TNNI3K: variants seen among roughly 807,000 people sequenced by gnomAD.
The protein encoded by TNNI3K is serine/threonine-protein kinase TNNI3K.
In TNNI3K, 140 loss-of-function variants were observed where a neutral mutation model predicts 114.5. The observed-to-expected ratio is 1.22, with a 90% CI of 1.07 to 1.41. The LOEUF (loss-of-function observed/expected upper bound fraction) is 1.41. TNNI3K is among the 40% of genes most tolerant of loss of function. TNNI3K has a pLI of 0.00. For missense variants in TNNI3K, 1,125 were observed against 1,007.6 expected (o/e 1.12, Z -1.58); for synonymous variants, 347 against 347.5 (o/e 1.00, Z 0.02).
intron 17 of TNNI3K, among the ~76,000 whole-genome samples, chr1:74,413,681 G>A (rs1570591051): frequency 6.6e-6 from 1 of 152,066 alleles, no homozygotes; most frequent in Non-Finnish European, 1.5e-5. Flanking sequence ...GAATACAAGC[G>A]CCGAAAATTT....
intron 4 of TNNI3K, among the ~76,000 whole-genome samples, chr1:74,256,607 A>G (rs1655329530): frequency 6.6e-6 from 1 of 151,918 alleles, no homozygotes; most frequent in Non-Finnish European, 1.5e-5. Flanking sequence ...TGAAGAGTAA[A>G]AGGTTTTTGC....
At chr1:74,464,835 C>T in intron 21 of TNNI3K, 4 of 1,438,444 alleles carry the variant, frequency 2.8e-6, no homozygotes, top group Non-Finnish European at 3.7e-6. Context: ...TGAAAGCGGT[C>T]CTTTTTGTTT....
intron 2 of TNNI3K, among the ~76,000 whole-genome samples, chr1:74,242,259 T>G (rs1035362145): frequency 5.3e-5 from 8 of 152,284 alleles, no homozygotes. Flanking sequence ...ACTTTAAAAT[T>G]GACTAGGTTT....
intron 20 of TNNI3K, among the ~76,000 whole-genome samples, chr1:74,458,235 G>T (rs1667308382): frequency 6.6e-6 from 1 of 152,032 alleles, no homozygotes; most frequent in Admixed American, 6.5e-5. Context: ...GGGCAGTCAA[G>T]ACTTAAATAC....
chr1:74,401,576 A>G (rs959629729), intron 17 of TNNI3K, among the ~76,000 whole-genome samples: 2 of 152,238 alleles, frequency 1.3e-5, no homozygotes, highest in African/African-American at 4.8e-5. Flanking sequence ...AAGAATATTT[A>G]ATGAGCTACA....
At chr1:74,249,256 A>G (rs1483380900) in intron 2 of TNNI3K, among the ~76,000 whole-genome samples, 1 of 151,932 alleles carries the variant, frequency 6.6e-6, no homozygotes, top group Non-Finnish European at 1.5e-5. Context: ...TGGTGACATC[A>G]TTACAATGTA....
Position 74,543,945 on chromosome 1 carries a change from C to G in TNNI3K, c.2471C>G (p.Ser824Cys). ...SDPMSSMHFH[S>C]CRNSSSFEDS... ...CCCATGAGCTCAATGCATTTTCATTCTTGCCGAAATAGTAGCAGCTTTGAG... is the reference window on the plus strand; with the variant it reads ...CCCATGAGCTCAATGCATTTTCATTGTTGCCGAAATAGTAGCAGCTTTGAG... The change falls in exon 25 of 25, where the codon TCT (serine) becomes TGT (cysteine). Residue 824 changes from serine to cysteine, a missense_variant. Ser to Cys is a moderately radical substitution (Grantham distance 112, BLOSUM62 -1). Coordinates refer to ENST00000326637, the MANE Select transcript of TNNI3K (RefSeq NM_015978.3). The G allele has an allele frequency of 1.9e-6, 3 of 1,613,360 alleles. No homozygotes were observed. In the East Asian group the frequency reaches 6.7e-5, roughly 36 times the overall value.
chr1:74,364,065 T>C (rs1662128173), intron 11 of TNNI3K, among the ~76,000 whole-genome samples: 1 of 150,160 alleles, frequency 6.7e-6, no homozygotes, highest in African/African-American at 2.5e-5. Flanking sequence ...AATGGTGTGA[T>C]TGTAGCTCAC....
chr1:74,297,668 C>A (rs540577520), intron 5 of TNNI3K, among the ~76,000 whole-genome samples: 33 of 152,206 alleles, frequency 2.2e-4, no homozygotes, highest in Admixed American at 2.0e-3. Flanking sequence ...GATATCTCTT[C>A]AAATACTGAT....
chr1:74,423,432 C>A (rs1049703533), intron 17 of TNNI3K, among the ~76,000 whole-genome samples: 2 of 152,096 alleles, frequency 1.3e-5, no homozygotes, highest in African/African-American at 2.4e-5. Flanking sequence ...TGATTTAAAT[C>A]ATTCTGTATG....
intron 20 of TNNI3K, among the ~76,000 whole-genome samples, chr1:74,440,736 C>T (rs1441058349): frequency 6.6e-6 from 1 of 152,064 alleles, no homozygotes; most frequent in Non-Finnish European, 1.5e-5. Context: ...AGACTTAGCC[C>T]TTATTATAGT....
intron 17 of TNNI3K, among the ~76,000 whole-genome samples, chr1:74,404,146 G>A (rs1305056589): frequency 6.6e-6 from 1 of 152,078 alleles, no homozygotes; most frequent in Non-Finnish European, 1.5e-5. Context: ...GTGTATCTGA[G>A]TCACCTAGAA....
rs60688934 is a variant in TNNI3K at position 74,543,064 on chromosome 1, C to CTTTTTTTTTTTTTTTTTT, written c.2432-830_2432-813dup. ...CTTTTCCTTTTCTTTTTCTTTTTCC[C>CTTTTTTTTTTTTTTTTTT]TTTTTTTTTTTTTTTTTTTTTTTTT... is the stretch of plus-strand genomic sequence containing the variant. On this transcript the variant is annotated intron_variant, in intron 24 of 24. Coordinates refer to ENST00000326637, the MANE Select transcript of TNNI3K (RefSeq NM_015978.3). 3.9e-3 allele frequency among the ~76,000 whole-genome samples: 26 copies of CTTTTTTTTTTTTTTTTTT among 6,750 alleles called. 12 individuals are homozygous for CTTTTTTTTTTTTTTTTTT. Among genetic ancestry groups the CTTTTTTTTTTTTTTTTTT allele is most frequent in the Non-Finnish European group, 3.6e-3 (10 of 2,796 alleles). The allele number at this position is 6,750 out of a possible 152,430, so 4.4% of individuals were successfully genotyped here.
At chr1:74,457,398 A>G (rs909798876) in intron 20 of TNNI3K, among the ~76,000 whole-genome samples, 4 of 152,144 alleles carry the variant, frequency 2.6e-5, no homozygotes, top group Non-Finnish European at 5.9e-5. Context: ...TCTTAGTGCA[A>G]TCTCAAGATT....
At chr1:74,298,194 A>G (rs538433021) in intron 5 of TNNI3K, among the ~76,000 whole-genome samples, 2 of 152,276 alleles carry the variant, frequency 1.3e-5, no homozygotes, top group Admixed American at 6.5e-5. Flanking sequence ...TACTCAGCAT[A>G]CAATAGTAGA....
intron 17 of TNNI3K, chr1:74,375,526 A>G (rs961173093): frequency 6.6e-6 from 3 of 453,108 alleles, no homozygotes; most frequent in African/African-American, 4.0e-5. Context: ...ATAAATCACT[A>G]TTGCAAAACC....
At chr1:74,522,865 C>T (rs1379257666) in intron 23 of TNNI3K, among the ~76,000 whole-genome samples, 1 of 152,166 alleles carries the variant, frequency 6.6e-6, no homozygotes, top group Admixed American at 6.6e-5. Flanking sequence ...AAACTGTGAA[C>T]ACATAAAATC....
At chr1:74,414,887 C>G (rs1331262889) in intron 17 of TNNI3K, among the ~76,000 whole-genome samples, 1 of 152,102 alleles carries the variant, frequency 6.6e-6, no homozygotes, top group Non-Finnish European at 1.5e-5. Context: ...AACCCTTTGT[C>G]CTAACCTCAA....
chr1:74,389,784 A>G (rs957156689), intron 17 of TNNI3K, among the ~76,000 whole-genome samples: 6 of 152,234 alleles, frequency 3.9e-5, no homozygotes, highest in African/African-American at 9.6e-5. Flanking sequence ...GGCTAGATGT[A>G]AATTTCAGGA....
Sources: allele counts gnomAD v4.1 joint callset (sites outside exome capture counted in the v4.1 genomes callset), GRCh38; gene constraint gnomAD v4.1.1; transcripts MANE v1.5; gene names NCBI Gene and HGNC (gene_info 2026-07-23, HGNC 2026-07-21).